NEO1: variants seen among roughly 807,000 people sequenced by gnomAD.
NEO1 encodes neogenin 1.
A neutral mutation model predicts 159.7 loss-of-function variants in NEO1; 63 were observed. That is an observed-to-expected ratio of 0.39 (90% CI 0.32 to 0.49). The LOEUF is 0.49. NEO1 is among the 20% of genes least tolerant of loss of function. The probability of loss-of-function intolerance (pLI) is 0.85; values close to 1 mark genes in which losing one functional copy is unlikely to be tolerated. For synonymous variants in NEO1, 633 were observed against 662.0 expected (o/e 0.96, Z 0.67); for missense variants, 1,615 against 1,831.0 (o/e 0.88, Z 2.15).
At chr15:73,237,924 A>G (rs1397712257) in intron 8 of NEO1, among the ~76,000 whole-genome samples, 2 of 152,128 alleles carry the variant, frequency 1.3e-5, no homozygotes, top group South Asian at 4.1e-4. Flanking sequence ...CCAGAAATGC[A>G]TTTTCCTCAC....
chr15:73,200,553 A>G (rs1035980417), intron 7 of NEO1, among the ~76,000 whole-genome samples: 12 of 150,804 alleles, frequency 8.0e-5, no homozygotes, highest in Non-Finnish European at 1.6e-4. Flanking sequence ...ACTGAAAGGG[A>G]AGGGAAATGG....
intron 23 of NEO1, among the ~76,000 whole-genome samples, chr15:73,286,982 C>G (rs964325971): frequency 6.6e-6 from 1 of 152,188 alleles, no homozygotes. Context: ...AAAGTTTTAA[C>G]TCAAAAGTGT....
In NEO1 at chr15:73,135,863, CTTTT is replaced by C. The variant is rs376822156; in HGVS notation, c.879-11_879-8del. Reference sequence around the variant, plus strand: ...TTATTTTCCTAGTACTGAAATGTATCTTTTTTTTTTTTTTTTTTTTAACACAGCT... The same window carrying C: ...TTATTTTCCTAGTACTGAAATGTATCTTTTTTTTTTTTTTTTAACACAGCT... On this transcript the variant is annotated intron_variant, in intron 4 of 28. Transcript: ENST00000261908. 5,401 of 1,276,814 alleles carry C rather than the reference CTTTT, an allele frequency of 4.2e-3. No homozygotes were observed. The highest frequency in any genetic ancestry group is 9.7e-3 in the South Asian group (496 of 51,072). 79.1% of individuals were successfully genotyped at this position (1,276,814 alleles called of 1,614,324 possible). A position where few individuals can be genotyped will look rare whatever the true frequency, so the allele number is the denominator to read the frequency against.
chr15:73,225,935 C>T (rs2038559383), intron 7 of NEO1, among the ~76,000 whole-genome samples: 1 of 152,162 alleles, frequency 6.6e-6, no homozygotes, highest in Admixed American at 6.5e-5. Context: ...GAATGGCCTG[C>T]CTGGGGACCT....
intron 1 of NEO1, among the ~76,000 whole-genome samples, chr15:73,082,884 A>C (rs981161781): frequency 6.6e-6 from 1 of 152,194 alleles, no homozygotes. Context: ...TATCAGAGAA[A>C]GCTTCCCTAA....
chr15:73,066,091 G>T (rs1321108073), intron 1 of NEO1, among the ~76,000 whole-genome samples: 3 of 149,644 alleles, frequency 2.0e-5, no homozygotes, highest in Non-Finnish European at 3.0e-5. Context: ...GAGTGCAGTG[G>T]CATGATCTTG....
intron 7 of NEO1, among the ~76,000 whole-genome samples, chr15:73,203,800 A>G (rs1347084046): frequency 6.6e-6 from 1 of 152,102 alleles, no homozygotes; most frequent in Non-Finnish European, 1.5e-5. Flanking sequence ...TCACTTACCC[A>G]TATGCTGTAG....
intron 5 of NEO1, among the ~76,000 whole-genome samples, chr15:73,167,132 G>GGGGGAGA (rs1221692246): frequency 3.9e-5 from 5 of 126,954 alleles, no homozygotes; most frequent in Non-Finnish European, 6.5e-5. Context: ...TCATGGGGTG[G>GGGGGAGA]GGGGAGGGGG....
In NEO1 at chr15:73,278,102, C is replaced by T. The variant is rs891003195; in HGVS notation, c.3194-29C>T. 13 of 1,594,566 alleles carry T rather than the reference C, an allele frequency of 8.2e-6. No homozygotes were observed. In the Admixed American group the frequency reaches 2.0e-4, roughly 25 times the overall value. On this transcript the variant is annotated intron_variant, in intron 21 of 28. Coordinates refer to ENST00000261908, the MANE Select transcript of NEO1 (RefSeq NM_002499.4). ...GACTGTCACGCCAAATGTGTGGGGT[C>T]ATTATTGACATGATTTCTTCTCCTT...
intron 1 of NEO1, among the ~76,000 whole-genome samples, chr15:73,059,364 T>G (rs2067868621): frequency 6.6e-6 from 1 of 152,204 alleles, no homozygotes; most frequent in Admixed American, 6.5e-5. Flanking sequence ...TTTTCCTTTT[T>G]TAAAGAACCA....
chr15:73,061,678 A>G (rs953616705), intron 1 of NEO1, among the ~76,000 whole-genome samples: 3 of 152,216 alleles, frequency 2.0e-5, no homozygotes, highest in African/African-American at 7.2e-5. Context: ...GTAAAATAAA[A>G]TGTGAAATCA....
At chr15:73,209,651 G>A (rs1265849090) in intron 7 of NEO1, among the ~76,000 whole-genome samples, 1 of 152,120 alleles carries the variant, frequency 6.6e-6, no homozygotes, top group Non-Finnish European at 1.5e-5. Flanking sequence ...ATTTCAGAAT[G>A]GTAGACACAC....
intron 25 of NEO1, among the ~76,000 whole-genome samples, chr15:73,292,207 A>G (rs1267040097): frequency 6.6e-6 from 1 of 152,206 alleles, no homozygotes; most frequent in Non-Finnish European, 1.5e-5. Context: ...GCTGGAAAGT[A>G]AAGGCACCCA....
intron 5 of NEO1, among the ~76,000 whole-genome samples, chr15:73,142,333 AT>A (rs1159268721): frequency 1.2e-4 from 19 of 152,330 alleles, no homozygotes; most frequent in African/African-American, 4.6e-4. Flanking sequence ...TTTGCTTAAC[AT>A]TCAAGGATTT....
intron 1 of NEO1, among the ~76,000 whole-genome samples, chr15:73,095,156 C>T (rs939057806): frequency 2.6e-5 from 4 of 151,166 alleles, no homozygotes; most frequent in Admixed American, 6.6e-5. Flanking sequence ...TTGTAGTGAG[C>T]TGAGATTGTG....
At chr15:73,077,270 C>G (rs2068816870) in intron 1 of NEO1, among the ~76,000 whole-genome samples, 1 of 152,188 alleles carries the variant, frequency 6.6e-6, no homozygotes, top group Non-Finnish European at 1.5e-5. Flanking sequence ...TCTTGAACTC[C>G]TGACCTCAGG....
chr15:73,235,609 AAT>A (rs1205486877), intron 7 of NEO1, among the ~76,000 whole-genome samples: 2 of 152,174 alleles, frequency 1.3e-5, no homozygotes, highest in African/African-American at 4.8e-5. Context: ...CCTGACTTGC[AAT>A]TTTTTGGCTT....
chr15:73,111,257 C>G (rs1004328739), intron 1 of NEO1, among the ~76,000 whole-genome samples: 12 of 152,178 alleles, frequency 7.9e-5, no homozygotes, highest in African/African-American at 2.9e-4. Context: ...AAGAGTCATA[C>G]TCGACATATT....
At chr15:73,169,117 G>GT (rs199550236) in intron 5 of NEO1, among the ~76,000 whole-genome samples, 1,668 of 152,152 alleles carry the variant, frequency 0.011, 19 homozygotes, top group East Asian at 0.047. Context: ...AATCATTGGT[G>GT]TTGGCCCTAT....
Sources: gnomAD v4.1 joint callset for allele counts (sites outside exome capture counted in the v4.1 genomes callset) on GRCh38, gnomAD v4.1.1 for gene constraint, MANE v1.5 for transcripts, NCBI Gene and HGNC (gene_info 2026-07-23, HGNC 2026-07-21) for gene names.